Variants in C12orf42 observed in about 807,000 individuals in gnomAD.
C12orf42 encodes the protein chromosome 12 open reading frame 42, also known as uncharacterized protein C12orf42.
C12orf42 carries 25 observed loss-of-function variants against 21.6 expected under a neutral mutation model. The ratio of observed to expected loss-of-function variants is 1.16; its 90% CI spans 0.84 to 1.62. The LOEUF is 1.62. Ranked by LOEUF, C12orf42 falls within the 40% of genes most tolerant of loss-of-function variation. The probability of loss-of-function intolerance (pLI) is 0.00; values close to 1 mark genes in which losing one functional copy is unlikely to be tolerated. For synonymous variants in C12orf42, 174 were observed against 175.0 expected, an observed-to-expected ratio of 0.99 and a Z score of 0.05; for missense variants, 483 against 459.3, an observed-to-expected ratio of 1.05 and a Z score of -0.47.
the C12orf42 span, among the ~76,000 whole-genome samples, chr12:103,561,343 T>G: frequency 8.5e-4 from 129 of 152,270 alleles, no homozygotes; most frequent in Non-Finnish European, 1.7e-3. Flanking sequence ...ATCAACTGGG[T>G]AGCTTAAATA....
chr12:103,115,618 T>C, the C12orf42 span, among the ~76,000 whole-genome samples: 14 of 152,314 alleles, frequency 9.2e-5, no homozygotes, highest in African/African-American at 2.9e-4. Flanking sequence ...TTTAATAAGA[T>C]AGTAAGATAT....
chr12:103,558,535 G>C, the C12orf42 span: 2 of 152,074 alleles, frequency 1.3e-5, no homozygotes, highest in Admixed American at 6.6e-5. Context: ...TTTGCAAAAG[G>C]GCTTCCCCAA....
At chr12:103,293,287 G>A (rs1171344082) in intron 4 of C12orf42, among the ~76,000 whole-genome samples, 1 of 150,672 alleles carries the variant, frequency 6.6e-6, no homozygotes, top group Non-Finnish European at 1.5e-5. Flanking sequence ...ACTCAGAGAT[G>A]GATTTATTAA....
the C12orf42 span, among the ~76,000 whole-genome samples, chr12:103,548,509 A>G: frequency 1.3e-5 from 2 of 152,216 alleles, no homozygotes; most frequent in African/African-American, 2.4e-5. Context: ...TAAAATTATG[A>G]AAAGGCCATT....
chr12:103,435,768 C>T (rs1181387919), intron 2 of C12orf42, among the ~76,000 whole-genome samples: 5 of 152,046 alleles, frequency 3.3e-5, no homozygotes, highest in Non-Finnish European at 5.9e-5. Flanking sequence ...ACCAAATCTA[C>T]GTCTGATTGG....
chr12:103,481,147 TAGAC>T (rs768239658), intron 1 of C12orf42, among the ~76,000 whole-genome samples: 1 of 151,902 alleles, frequency 6.6e-6, no homozygotes, highest in African/African-American at 2.4e-5. Context: ...TTTTTTTCCT[TAGAC>T]AGTCTTTAGT....
At chr12:103,333,256 T>C (rs368181819) in intron 4 of C12orf42, among the ~76,000 whole-genome samples, 40 of 152,362 alleles carry the variant, frequency 2.6e-4, no homozygotes, top group African/African-American at 8.7e-4. Context: ...ATTGGCTATC[T>C]GACTTTGAGC....
the C12orf42 span, among the ~76,000 whole-genome samples, chr12:103,192,122 G>A: frequency 1.3e-5 from 2 of 152,068 alleles, no homozygotes; most frequent in Admixed American, 1.3e-4. Flanking sequence ...ATAGTAAGTA[G>A]CTATTAATAG....
chr12:103,299,066 C>G (rs187597174), downstream of C12orf42, among the ~76,000 whole-genome samples: 753 of 152,158 alleles, frequency 4.9e-3, 7 homozygotes, highest in African/African-American at 0.018. Flanking sequence ...GGTATAAAAA[C>G]TGATTTATAG....
intron 4 of C12orf42, among the ~76,000 whole-genome samples, chr12:103,329,336 C>A (rs1047916953): frequency 6.6e-6 from 1 of 152,044 alleles, no homozygotes; most frequent in Non-Finnish European, 1.5e-5. Context: ...CCAATGAGAA[C>A]ACATGGACAC....
At chr12:103,311,322 T>G (rs910277247) in intron 4 of C12orf42, among the ~76,000 whole-genome samples, 1 of 151,702 alleles carries the variant, frequency 6.6e-6, no homozygotes, top group Non-Finnish European at 1.5e-5. Flanking sequence ...ATTTATAGTT[T>G]CTACCATATA....
the C12orf42 span, among the ~76,000 whole-genome samples, chr12:103,232,290 T>C: frequency 3.3e-5 from 5 of 152,202 alleles, no homozygotes; most frequent in African/African-American, 9.7e-5. Flanking sequence ...TTTAGCACAG[T>C]AGAATTTTTT....
intron 3 of C12orf42, among the ~76,000 whole-genome samples, chr12:103,376,834 T>C (rs1401097475): frequency 6.6e-6 from 1 of 152,130 alleles, no homozygotes; most frequent in African/African-American, 2.4e-5. Flanking sequence ...TGCAATTCTA[T>C]AAATATTTTT....
intron 3 of C12orf42, among the ~76,000 whole-genome samples, chr12:103,395,261 AT>A (rs2047420667): frequency 6.6e-6 from 1 of 152,100 alleles, no homozygotes; most frequent in Admixed American, 6.5e-5. Flanking sequence ...TCTCAAATAC[AT>A]TTTCAAGAAG....
the C12orf42 span, among the ~76,000 whole-genome samples, chr12:103,513,879 C>T: frequency 6.6e-6 from 1 of 151,988 alleles, no homozygotes; most frequent in Non-Finnish European, 1.5e-5. Context: ...ATATGCTATG[C>T]TTTGTGATAA....
downstream of C12orf42, among the ~76,000 whole-genome samples, chr12:103,266,126 C>T (rs1421862817): frequency 1.3e-5 from 2 of 152,124 alleles, no homozygotes; most frequent in Admixed American, 1.3e-4. Context: ...TCCTCAAATG[C>T]TTCTAAAAGC....
At chr12:103,167,215 A>T in the C12orf42 span, among the ~76,000 whole-genome samples, 3 of 152,180 alleles carry the variant, frequency 2.0e-5, no homozygotes, top group African/African-American at 7.2e-5. Flanking sequence ...GGTACTACAG[A>T]CCTTCAAACC....
chr12:103,522,484 A>G, the C12orf42 span, among the ~76,000 whole-genome samples: 2 of 151,880 alleles, frequency 1.3e-5, no homozygotes, highest in African/African-American at 4.8e-5. Context: ...CCTCAACAGC[A>G]CCCTCATCTC....
intron 1 of C12orf42, among the ~76,000 whole-genome samples, chr12:103,493,152 T>C (rs1955290977): frequency 6.6e-6 from 1 of 152,208 alleles, no homozygotes; most frequent in Admixed American, 6.5e-5. Flanking sequence ...TGATAAAATA[T>C]AAATTCAGTC....
Sources: gnomAD v4.1 joint callset for allele counts (sites outside exome capture counted in the v4.1 genomes callset) on GRCh38, gnomAD v4.1.1 for gene constraint, MANE v1.5 for transcripts, NCBI Gene and HGNC (gene_info 2026-07-23, HGNC 2026-07-21) for gene names.